The following NT5C2 variants were observed in gnomAD, a reference collection of about 807,000 sequenced individuals.
The protein encoded by NT5C2 is 5'-nucleotidase, cytosolic II, also known as cytosolic purine 5'-nucleotidase.
Under a neutral mutation model 76.1 loss-of-function variants are expected in NT5C2, and 58 were observed. The observed-to-expected ratio is 0.76, with a 90% CI of 0.62 to 0.95. The LOEUF is 0.95. NT5C2 is among the 40% of genes least tolerant of loss of function. The probability of loss-of-function intolerance (pLI) is 0.00; values close to 1 mark genes in which losing one functional copy is unlikely to be tolerated. For missense variants in NT5C2, 478 were observed against 690.3 expected (o/e 0.69, Z 3.45); for synonymous variants, 229 against 237.4 (o/e 0.96, Z 0.32).
intron 3 of NT5C2, among the ~76,000 whole-genome samples, chr10:103,149,404 CAAATGAAG>C (rs1441860986): frequency 6.6e-6 from 1 of 152,122 alleles, no homozygotes; most frequent in African/African-American, 2.4e-5. Flanking sequence ...CCTTCATTCT[CAAATGAAG>C]AAATTGTGAT....
chr10:103,147,668 T>C (rs1026356747), intron 3 of NT5C2, among the ~76,000 whole-genome samples: 55 of 152,224 alleles, frequency 3.6e-4, no homozygotes, highest in Admixed American at 3.5e-3. Flanking sequence ...TCTTATTCTT[T>C]ATTGGATTAT....
At position 103,094,427 on chromosome 10, in the gene NT5C2, G is replaced by C. The variant is rs2134726710; in HGVS notation, c.842C>G (p.Ser281Cys). 6.2e-7 allele frequency: 1 copy of C among 1,613,494 alleles called. No individual in the cohort carries two copies. Among genetic ancestry groups the C allele is most frequent in the East Asian group, 2.2e-5 (1 of 44,880 alleles). ...KPGSSHRPWQ[S>C]YFDLILVDAR... Reference sequence around the variant, plus strand: ...ATCCACCAAGATCAAGTCAAAGTAGGACTGCCATGGTCGATGGGAGCTCCC... The same window carrying C: ...ATCCACCAAGATCAAGTCAAAGTAGCACTGCCATGGTCGATGGGAGCTCCC... The change falls in exon 13 of 19, where the codon TCC becomes TGC. Residue 281 changes from serine to cysteine, a missense_variant. Ser to Cys is a moderately radical substitution (Grantham distance 112). Transcript: ENST00000404739.
chr10:103,181,575 T>C (rs2091087175), intron 1 of NT5C2, among the ~76,000 whole-genome samples: 1 of 152,304 alleles, frequency 6.6e-6, no homozygotes, highest in South Asian at 2.1e-4. Flanking sequence ...GTAAGACCAC[T>C]ATCTTTAAAC....
intron 4 of NT5C2, among the ~76,000 whole-genome samples, chr10:103,115,230 G>A (rs1485668200): frequency 3.9e-5 from 6 of 152,100 alleles, no homozygotes; most frequent in Non-Finnish European, 5.9e-5. Flanking sequence ...GTGAAACCCC[G>A]TCTCTACTAA....
intron 4 of NT5C2, among the ~76,000 whole-genome samples, chr10:103,124,791 T>C (rs1212098527): frequency 6.6e-6 from 1 of 151,696 alleles, no homozygotes; most frequent in Non-Finnish European, 1.5e-5. Context: ...ACCAACCACA[T>C]AACCTCTAGA....
At chr10:103,171,241 T>A (rs2087905271) in intron 3 of NT5C2, among the ~76,000 whole-genome samples, 1 of 152,192 alleles carries the variant, frequency 6.6e-6, no homozygotes, top group African/African-American at 2.4e-5. Flanking sequence ...ATATAATAAT[T>A]AACTTCTGAT....
intron 10 of NT5C2, 144 bp from the exon 11 acceptor site, chr10:103,097,518 G>A: frequency 1.6e-6 from 1 of 645,032 alleles, no homozygotes; most frequent in Non-Finnish European, 2.8e-6. Context: ...GCACTTAAAA[G>A]CCCACATTAT....
chr10:103,161,632 G>A (rs368705671), intron 3 of NT5C2, among the ~76,000 whole-genome samples: 1 of 152,124 alleles, frequency 6.6e-6, no homozygotes, highest in South Asian at 2.1e-4. Context: ...ACTGAGGCAG[G>A]AGTATCATTT....
intron 1 of NT5C2, among the ~76,000 whole-genome samples, chr10:103,186,246 T>TG (rs1405877059): frequency 2.0e-5 from 3 of 152,192 alleles, no homozygotes; most frequent in Non-Finnish European, 4.4e-5. Context: ...CAGGTAGAGT[T>TG]GGAACAAGGA....
chr10:103,090,972 C>T lies in NT5C2; in HGVS notation c.1236G>A (p.Glu412=), dbSNP rs374172381. The change falls in exon 17 of 19, where the codon GAG becomes GAA. Residue 412 remains glutamate (E), a synonymous_variant. Coordinates refer to ENST00000404739, the MANE Select transcript of NT5C2 (RefSeq NM_001351169.2). ...TCTGGATGGAACTGATGTCTGGACG[C>T]TCATTGCTACTGCTGTCAAGATGCC... ...LYKHLDSSSN[E]RPDISSIQRR... is the part of the protein sequence containing the mutation. 1.1e-5 allele frequency: 18 copies of T among 1,613,878 alleles called. No individual in the cohort carries two copies. Among genetic ancestry groups the T allele is most frequent in the Non-Finnish European group, 1.4e-5 (16 of 1,179,960 alleles).
At position 103,180,084 on chromosome 10, in the gene NT5C2, C is replaced by T. The variant is rs541073471; in HGVS notation, c.-25+1101G>A. Among the ~76,000 whole-genome samples, 17 of 152,202 alleles carry T rather than the reference C, an allele frequency of 1.1e-4. No homozygotes were observed. The South Asian group carries it at 1.5e-3, about 13-fold the overall frequency. ...TAAGCTAAATAATCCAATTAAAATA[C>T]AGGCAAAACATATGCATAGACATTT... On this transcript the variant is annotated intron_variant, in intron 2 of 18. Transcript: ENST00000404739.
chr10:103,092,192 CCTT>C (rs1281959942), intron 15 of NT5C2, among the ~76,000 whole-genome samples: 8 of 152,194 alleles, frequency 5.3e-5, no homozygotes, highest in South Asian at 2.1e-4. Flanking sequence ...GACAAGCCCT[CCTT>C]CATCTACTGT....
At chr10:103,140,891 T>C (rs1301850747) in intron 3 of NT5C2, among the ~76,000 whole-genome samples, 1 of 152,204 alleles carries the variant, frequency 6.6e-6, no homozygotes, top group Non-Finnish European at 1.5e-5. Context: ...TTTTTCGCTA[T>C]TGTTTGAGGT....
intron 4 of NT5C2, among the ~76,000 whole-genome samples, chr10:103,130,957 T>A (rs1404751246): frequency 1.3e-5 from 2 of 152,082 alleles, no homozygotes; most frequent in Non-Finnish European, 2.9e-5. Context: ...CCAACCCCCA[T>A]CCTTTCCAAA....
At chr10:103,185,349 A>G (rs1178963023) in intron 1 of NT5C2, among the ~76,000 whole-genome samples, 1 of 151,982 alleles carries the variant, frequency 6.6e-6, no homozygotes, top group East Asian at 1.9e-4. Flanking sequence ...TCCTTTAAAA[A>G]AAAAAAATAC....
chr10:103,107,762 G>A (rs2071713300), intron 4 of NT5C2, among the ~76,000 whole-genome samples: 1 of 152,038 alleles, frequency 6.6e-6, no homozygotes, highest in Non-Finnish European at 1.5e-5. Context: ...CAAATAACAG[G>A]GATTTCAGGC....
At chr10:103,097,437 G>A in intron 10 of NT5C2, 63 bp from the exon 11 acceptor site, 1 of 1,347,930 alleles carries the variant, frequency 7.4e-7, no homozygotes, top group Middle Eastern at 1.8e-4. Flanking sequence ...CTTTGGAGTT[G>A]TCAAATACTG....
intron 9 of NT5C2, 38 bp from the exon 10 acceptor site, chr10:103,099,022 A>C (rs1185191475): frequency 1.3e-6 from 2 of 1,513,592 alleles, no homozygotes; most frequent in African/African-American, 2.8e-5. Context: ...GAAAAGAACA[A>C]AATCAGTTTT....
intron 3 of NT5C2, among the ~76,000 whole-genome samples, chr10:103,151,232 A>C (rs1048288813): frequency 1.3e-5 from 2 of 152,076 alleles, no homozygotes; most frequent in African/African-American, 4.8e-5. Flanking sequence ...TGGGAGGCCA[A>C]GGTGGGTGGA....
Sources: allele counts gnomAD v4.1 joint callset (sites outside exome capture counted in the v4.1 genomes callset), GRCh38; gene constraint gnomAD v4.1.1; transcripts MANE v1.5; gene names NCBI Gene and HGNC (gene_info 2026-07-23, HGNC 2026-07-21).